The following AKIRIN1 variants were observed in gnomAD, a reference collection of about 807,000 sequenced individuals.
The protein encoded by AKIRIN1 is akirin-1.
Under a neutral mutation model 25.9 loss-of-function variants are expected in AKIRIN1, and 4 were observed. The observed-to-expected ratio is 0.15, with a 90% CI of 0.08 to 0.35. The LOEUF is 0.35. Ranked by LOEUF, AKIRIN1 falls within the 10% of genes least tolerant of loss-of-function variation. AKIRIN1 has a pLI of 1.00. For synonymous variants in AKIRIN1, 125 were observed against 105.1 expected (o/e 1.19, Z -1.16); for missense variants, 243 against 266.1 (o/e 0.91, Z 0.61).
intron 3 of AKIRIN1, among the ~76,000 whole-genome samples, 139 bp from the exon 4 acceptor site, chr1:39,003,188 CCTTTATATAAGGTCACTGGA>C (rs1316145729): frequency 6.6e-6 from 1 of 152,052 alleles, no homozygotes; most frequent in Non-Finnish European, 1.5e-5. Context: ...ATCTCAGTGA[CCTTTATATAAGGTCACTGGA>C]CTTTAATACA....
intron 1 of AKIRIN1, among the ~76,000 whole-genome samples, chr1:38,997,109 T>TA (rs11453570): frequency 0.27 from 39,323 of 146,904 alleles, 5,128 homozygotes; most frequent in East Asian, 0.31. Context: ...CTCCCACCAT[T>TA]AAAAAAAAAA....
At chr1:39,003,916 T>C in intron 4 of AKIRIN1, 129 bp from the exon 5 acceptor site, 1 of 737,070 alleles carries the variant, frequency 1.4e-6, no homozygotes, top group African/African-American at 1.8e-5. Context: ...TCTTGATCTT[T>C]AGTATCTTTT....
intron 2 of AKIRIN1, among the ~76,000 whole-genome samples, chr1:39,000,084 A>G (rs893645190): frequency 1.3e-5 from 2 of 151,632 alleles, no homozygotes; most frequent in African/African-American, 2.4e-5. Context: ...GGATTTCACC[A>G]TGTTGGCCGG....
At chr1:39,002,142 A>G (rs182207590) in intron 3 of AKIRIN1, among the ~76,000 whole-genome samples, 36 of 152,320 alleles carry the variant, frequency 2.4e-4, no homozygotes, top group African/African-American at 8.2e-4. Context: ...TTTTCTGATT[A>G]AAGTCCTCAG....
At position 39,004,118 on chromosome 1, in the gene AKIRIN1, C is replaced by G; in HGVS notation, c.*63C>G. ...AGAGATGGCTGCTGTACACTTTTTG[C>G]AACTGGTTTGATGTCACATTTCAGC... On this transcript the variant is annotated 3_prime_UTR_variant, in exon 5 of 5. Transcript: ENST00000432648. 1 of 1,554,954 alleles carries G rather than the reference C, an allele frequency of 6.4e-7. No individual in the cohort carries two copies. The highest frequency in any genetic ancestry group is 8.9e-7 in the Non-Finnish European group (1 of 1,126,374).
intron 1 of AKIRIN1, among the ~76,000 whole-genome samples, chr1:38,997,500 G>T (rs1406677699): frequency 6.6e-6 from 1 of 151,670 alleles, no homozygotes; most frequent in Non-Finnish European, 1.5e-5. Context: ...AGTTTATTTT[G>T]ATTTGTTTTT....
At chr1:38,992,899 A>C (rs1368816071) in intron 1 of AKIRIN1, among the ~76,000 whole-genome samples, 1 of 152,192 alleles carries the variant, frequency 6.6e-6, no homozygotes, top group Non-Finnish European at 1.5e-5. Context: ...ACGCTGTTCT[A>C]CTTAAATTCC....
chr1:38,991,685 G>C lies in AKIRIN1; in HGVS notation c.220+85G>C, dbSNP rs1643907417. On this transcript the variant is annotated intron_variant, in intron 1 of 4. Coordinates refer to ENST00000432648, the MANE Select transcript of AKIRIN1 (RefSeq NM_024595.3). Reference sequence around the variant, plus strand: ...TGGTGGGGGAGGGTTGGGAATACCAGGCCAGTTTACCCAGGGACCCCTTCT... The same window carrying C: ...TGGTGGGGGAGGGTTGGGAATACCACGCCAGTTTACCCAGGGACCCCTTCT... 3 of 1,146,698 alleles carry C rather than the reference G, an allele frequency of 2.6e-6. No homozygotes were observed. In the South Asian group the frequency reaches 8.6e-5, roughly 33 times the overall value. 71.0% of individuals were successfully genotyped at this position (1,146,698 alleles called of 1,614,324 possible). A position where few individuals can be genotyped will look rare whatever the true frequency, so the allele number is the denominator to read the frequency against.
chr1:38,998,893 T>C (rs1319284971), intron 2 of AKIRIN1, among the ~76,000 whole-genome samples: 1 of 152,134 alleles, frequency 6.6e-6, no homozygotes, highest in Non-Finnish European at 1.5e-5. Flanking sequence ...AAAAGTTTTT[T>C]TAAAATTCTG....
At position 39,001,009 on chromosome 1, in the gene AKIRIN1, C is replaced by G; in HGVS notation, c.399C>G (p.Thr133=). 6.2e-7 allele frequency: 1 copy of G among 1,613,600 alleles called. No homozygotes were observed. Among genetic ancestry groups the G allele is most frequent in the Non-Finnish European group, 8.5e-7 (1 of 1,179,826 alleles). The change falls in exon 3 of 5, where the codon ACC becomes ACG. Residue 133 remains threonine, a synonymous_variant. Coordinates refer to ENST00000432648, the MANE Select transcript of AKIRIN1 (RefSeq NM_024595.3). The part of the protein sequence containing the change: ...SWMKKDQPTF[T]LRQVGIICER... ...TGAAGAAGGACCAGCCCACATTTAC[C>G]CTCCGACAAGTTGGCATAATATGTG... is the stretch of plus-strand genomic sequence containing the variant.
rs765318782 is a variant in AKIRIN1 at position 39,005,822 on chromosome 1, T to C, written c.*1767T>C. ...AACCAAAAACTGCAACATTATTCTT[T>C]GTACATTTTCATTATATAGTGTTAA... On this transcript the variant is annotated 3_prime_UTR_variant, in exon 5 of 5. Transcript: ENST00000432648. 6.6e-6 allele frequency: 1 copy of C among 152,216 alleles called. No homozygotes were observed. Among genetic ancestry groups the C allele is most frequent in the Non-Finnish European group, 1.5e-5 (1 of 68,036 alleles). 9.4% of individuals were successfully genotyped at this position (152,216 alleles called of 1,614,324 possible).
At chr1:38,992,832 C>A (rs1209949585) in intron 1 of AKIRIN1, among the ~76,000 whole-genome samples, 1 of 152,160 alleles carries the variant, frequency 6.6e-6, no homozygotes, top group African/African-American at 2.4e-5. Flanking sequence ...ATTTGCTAAT[C>A]CCAAAAGAGT....
intron 1 of AKIRIN1, among the ~76,000 whole-genome samples, chr1:38,994,443 A>G (rs552216529): frequency 6.6e-6 from 1 of 152,302 alleles, no homozygotes; most frequent in East Asian, 1.9e-4. Context: ...GTGCAAAGCA[A>G]TTAACTGATT....
At chr1:38,992,822 A>T (rs1643918305) in intron 1 of AKIRIN1, among the ~76,000 whole-genome samples, 1 of 151,834 alleles carries the variant, frequency 6.6e-6, no homozygotes, top group Non-Finnish European at 1.5e-5. Context: ...TTTCCCTTCT[A>T]TTTGCTAATC....
rs181772912 is a variant in AKIRIN1 at position 39,005,677 on chromosome 1, A to G, written c.*1622A>G. Reference sequence around the variant, plus strand: ...TCTGAGTTTAATTCAAATGTATGCCAATACCTTCCAAAGTAAGGTAATATT... The same window carrying G: ...TCTGAGTTTAATTCAAATGTATGCCGATACCTTCCAAAGTAAGGTAATATT... On this transcript the variant is annotated 3_prime_UTR_variant, in exon 5 of 5. Transcript: ENST00000432648. 2.0e-5 allele frequency: 3 copies of G among 152,314 alleles called. No homozygotes were observed. The highest frequency in any genetic ancestry group is 7.2e-5 in the African/African-American group (3 of 41,560). 9.4% of individuals were successfully genotyped at this position (152,314 alleles called of 1,614,324 possible). A position where few individuals can be genotyped will look rare whatever the true frequency, so the allele number is the denominator to read the frequency against.
Position 39,005,990 on chromosome 1 carries a change from T to G in AKIRIN1, c.*1935T>G, listed in dbSNP as rs931632115. The G allele has an allele frequency of 1.3e-5, 2 of 152,144 alleles. No individual in the cohort carries two copies. The highest frequency in any genetic ancestry group is 2.9e-5 in the Non-Finnish European group (2 of 68,018). The allele number at this position is 152,144 out of a possible 1,614,324, so 9.4% of individuals were successfully genotyped here. On this transcript the variant is annotated 3_prime_UTR_variant, in exon 5 of 5. Coordinates refer to ENST00000432648, the MANE Select transcript of AKIRIN1 (RefSeq NM_024595.3). Reference sequence around the variant, plus strand: ...CCAGTTCAACATTGCATTGAAAATTTATGGACCTTTAAAAAAAAAAGCCCA... The same window carrying G: ...CCAGTTCAACATTGCATTGAAAATTGATGGACCTTTAAAAAAAAAAGCCCA...
rs10528399 is a variant in AKIRIN1 at position 38,994,672 on chromosome 1, A to ATTTTT, written c.220+3102_220+3106dup. Among the ~76,000 whole-genome samples, 158 of 63,526 alleles carry ATTTTT rather than the reference A, an allele frequency of 2.5e-3. 7 individuals are homozygous for ATTTTT. The highest frequency in any genetic ancestry group is 0.013 in the South Asian group (12 of 918). 41.7% of individuals were successfully genotyped at this position (63,526 alleles called of 152,430 possible). A position where few individuals can be genotyped will look rare whatever the true frequency, so the allele number is the denominator to read the frequency against. ...AGGCATGTGTCACTACGCTCGGCTA[A>ATTTTT]TTTTTTTTTTTTTTTTTTTTTTTTT... On this transcript the variant is annotated intron_variant, in intron 1 of 4. Transcript: ENST00000432648.
At chr1:38,999,943 C>T (rs1394112263) in intron 2 of AKIRIN1, among the ~76,000 whole-genome samples, 1 of 151,830 alleles carries the variant, frequency 6.6e-6, no homozygotes, top group East Asian at 1.9e-4. Context: ...AGTGCAGTGG[C>T]GTCATCTCAG....
At chr1:38,991,882 G>T (rs1201903546) in intron 1 of AKIRIN1, among the ~76,000 whole-genome samples, 6 of 152,050 alleles carry the variant, frequency 3.9e-5, no homozygotes, top group Non-Finnish European at 5.9e-5. Flanking sequence ...GCCGCTCCGG[G>T]CCCTCCCTGT....
Sources: allele counts gnomAD v4.1 joint callset (sites outside exome capture counted in the v4.1 genomes callset), GRCh38; gene constraint gnomAD v4.1.1; transcripts MANE v1.5; gene names NCBI Gene and HGNC (gene_info 2026-07-23, HGNC 2026-07-21).